The following NEGR1 variants were observed in gnomAD, a reference collection of about 807,000 sequenced individuals.
NEGR1 encodes IgLON family member 4.
A neutral mutation model predicts 40.9 loss-of-function variants in NEGR1; 10 were observed. The ratio of observed to expected loss-of-function variants is 0.24; its 90% CI spans 0.15 to 0.42. The LOEUF is 0.42. NEGR1 is among the 10% of genes least tolerant of loss of function. The probability of loss-of-function intolerance (pLI) is 1.00; values close to 1 mark genes in which losing one functional copy is unlikely to be tolerated. For missense variants in NEGR1, 352 were observed against 438.9 expected (o/e 0.80, Z 1.77); for synonymous variants, 185 against 166.8 (o/e 1.11, Z -0.84).
intron 1 of NEGR1, among the ~76,000 whole-genome samples, chr1:71,961,932 A>G (rs768126241): frequency 5.3e-5 from 8 of 152,088 alleles, no homozygotes; most frequent in Admixed American, 2.6e-4. Context: ...TAAAACTAAT[A>G]AATCTGACGT....
chr1:72,237,169 C>A (rs1458349502), intron 1 of NEGR1, among the ~76,000 whole-genome samples: 2 of 151,784 alleles, frequency 1.3e-5, no homozygotes, highest in African/African-American at 4.8e-5. Flanking sequence ...AGAGGTATAT[C>A]CCAGAATTAC....
At chr1:71,717,488 C>T (rs1439851261) in intron 3 of NEGR1, among the ~76,000 whole-genome samples, 1 of 152,120 alleles carries the variant, frequency 6.6e-6, no homozygotes, top group African/African-American at 2.4e-5. Context: ...ACAGCTAATC[C>T]TATTTATGTG....
At chr1:72,105,530 C>A (rs1271012585) in intron 1 of NEGR1, among the ~76,000 whole-genome samples, 1 of 150,894 alleles carries the variant, frequency 6.6e-6, no homozygotes, top group African/African-American at 2.5e-5. Context: ...AAAGCGATAC[C>A]TCATCTCTCC....
At chr1:71,674,667 G>C (rs922389326) in intron 4 of NEGR1, among the ~76,000 whole-genome samples, 1 of 151,270 alleles carries the variant, frequency 6.6e-6, no homozygotes, top group Non-Finnish European at 1.5e-5. Flanking sequence ...GTGATGTTCC[G>C]GTTAGCTTTT....
intron 2 of NEGR1, among the ~76,000 whole-genome samples, chr1:71,908,364 C>A (rs555878160): frequency 6.6e-6 from 1 of 152,138 alleles, no homozygotes; most frequent in South Asian, 2.1e-4. Flanking sequence ...TGGATTATGG[C>A]AATGTCTGAA....
chr1:71,486,468 C>A (rs537555634), intron 6 of NEGR1: 4 of 151,308 alleles, frequency 2.6e-5, no homozygotes, highest in East Asian at 3.9e-4. Flanking sequence ...ATGAAAGGAC[C>A]AGGAGGGACA....
At chr1:72,259,289 A>T (rs1655376774) in intron 1 of NEGR1, among the ~76,000 whole-genome samples, 1 of 152,144 alleles carries the variant, frequency 6.6e-6, no homozygotes, top group African/African-American at 2.4e-5. Context: ...TGCCAAGCAC[A>T]CAACAAGCTT....
chr1:72,175,025 G>A (rs1339487945), intron 1 of NEGR1, among the ~76,000 whole-genome samples: 11 of 151,750 alleles, frequency 7.2e-5, no homozygotes, highest in African/African-American at 2.7e-4. Flanking sequence ...GAGCAGGTTA[G>A]TTACATATGT....
At chr1:71,473,265 A>AAGT (rs1273558685) in intron 6 of NEGR1, among the ~76,000 whole-genome samples, 1 of 152,166 alleles carries the variant, frequency 6.6e-6, no homozygotes, top group Non-Finnish European at 1.5e-5. Flanking sequence ...ACTTGCAAAG[A>AAGT]AGTATAAGAA....
At chr1:71,942,452 A>AATATATATATATATATATATAT in intron 1 of NEGR1, among the ~76,000 whole-genome samples, 1 of 34,258 alleles carries the variant, frequency 2.9e-5, no homozygotes, top group South Asian at 1.7e-3. Flanking sequence ...AAATTCTTTA[A>AATATATATATATATATATATAT]ATCTATATAT....
intron 1 of NEGR1, among the ~76,000 whole-genome samples, chr1:72,028,993 G>A (rs1055615900): frequency 1.3e-5 from 2 of 152,144 alleles, no homozygotes; most frequent in African/African-American, 4.8e-5. Flanking sequence ...AAGAATGATA[G>A]TGCGAATATA....
chr1:72,048,858 CTAGAGA>C (rs1295465332), intron 1 of NEGR1, among the ~76,000 whole-genome samples: 1 of 151,374 alleles, frequency 6.6e-6, no homozygotes, highest in Non-Finnish European at 1.5e-5. Flanking sequence ...AAAGGATATC[CTAGAGA>C]TATTCTCCTA....
chr1:71,692,691 T>C (rs1242263074), intron 4 of NEGR1, among the ~76,000 whole-genome samples: 1 of 151,842 alleles, frequency 6.6e-6, no homozygotes, highest in Non-Finnish European at 1.5e-5. Context: ...TACTAAGTTA[T>C]ACTAATTGGA....
rs72948074 is a variant in NEGR1, at chr1:71,829,595, G to A, written c.410-53298C>T. Among the ~76,000 whole-genome samples the A allele has an allele frequency of 7.8e-3, 1,182 of 151,718 alleles. 11 individuals carry two copies. Among genetic ancestry groups the A allele is most frequent in the African/African-American group, 0.027 (1,123 of 41,392 alleles). On this transcript the variant is annotated intron_variant, in intron 2 of 6. Transcript: ENST00000357731. ...TGCTCACTTCTACCAAAATCGAAACGATCAAAGCTTTCCTCTCTCTTTAGT... is the reference window on the plus strand; with the variant it reads ...TGCTCACTTCTACCAAAATCGAAACAATCAAAGCTTTCCTCTCTCTTTAGT...
intron 1 of NEGR1, among the ~76,000 whole-genome samples, chr1:72,268,092 G>A (rs1196649442): frequency 2.0e-5 from 3 of 151,350 alleles, no homozygotes; most frequent in Admixed American, 6.6e-5. Flanking sequence ...GAATTTAAAA[G>A]AGGTGAACCT....
chr1:71,434,174 A>G (rs78164756), intron 6 of NEGR1, among the ~76,000 whole-genome samples: 1 of 152,190 alleles, frequency 6.6e-6, no homozygotes, highest in Non-Finnish European at 1.5e-5. Flanking sequence ...TGTGTAGCCT[A>G]GAAATATCAA....
At chr1:71,945,192 A>G (rs1380411461) in intron 1 of NEGR1, among the ~76,000 whole-genome samples, 2 of 152,120 alleles carry the variant, frequency 1.3e-5, no homozygotes, top group Non-Finnish European at 2.9e-5. Flanking sequence ...GGGCCAAGTT[A>G]ATTTACCTTA....
intron 6 of NEGR1, among the ~76,000 whole-genome samples, chr1:71,533,104 T>C (rs930499940): frequency 2.6e-5 from 4 of 151,576 alleles, no homozygotes; most frequent in African/African-American, 9.7e-5. Context: ...TCACTGACTT[T>C]GATATTAGGC....
chr1:71,610,436 GT>G (rs1475713700), intron 5 of NEGR1, among the ~76,000 whole-genome samples: 3 of 152,120 alleles, frequency 2.0e-5, no homozygotes, highest in African/African-American at 4.8e-5. Flanking sequence ...TCTTGCCAAG[GT>G]TTTTGGGTCT....
Sources: gnomAD v4.1 joint callset for allele counts (sites outside exome capture counted in the v4.1 genomes callset) on GRCh38, gnomAD v4.1.1 for gene constraint, MANE v1.5 for transcripts, NCBI Gene and HGNC (gene_info 2026-07-23, HGNC 2026-07-21) for gene names.